CDH23: variants seen among roughly 807,000 people sequenced by gnomAD.
CDH23 encodes cadherin related 23.
Under a neutral mutation model 317.1 loss-of-function variants are expected in CDH23, and 189 were observed. The ratio of observed to expected loss-of-function variants is 0.60; its 90% confidence interval spans 0.53 to 0.67. The LOEUF (loss-of-function observed/expected upper bound fraction) is 0.67, where lower values mean the gene tolerates loss of function less well. Among genes scored for constraint, CDH23 ranks in the 30% least tolerant of loss-of-function variants. The pLI, the probability that CDH23 is intolerant of heterozygous loss-of-function variation, is 0.00. For missense variants in CDH23, 4,401 were observed against 4,592.4 expected, an observed-to-expected ratio of 0.96 and a Z score of 1.20; for synonymous variants, 1,839 against 1,876.8, an observed-to-expected ratio of 0.98 and a Z score of 0.52.
intron 3 of CDH23, among the ~76,000 whole-genome samples, chr10:71,501,547 C>A (rs1052818128): frequency 1.3e-5 from 2 of 152,204 alleles, no homozygotes; most frequent in East Asian, 3.9e-4. Context: ...CCTCTGACTT[C>A]CCCCAGGTGG....
intron 36 of CDH23, among the ~76,000 whole-genome samples, chr10:71,740,536 G>A (rs1839706161): frequency 6.6e-6 from 1 of 152,218 alleles, no homozygotes; most frequent in Non-Finnish European, 1.5e-5. Context: ...GGTAGGTCAG[G>A]AGGTCAAGGC....
At chr10:71,732,646 A>G (rs1839430851) in intron 32 of CDH23, 1 of 1,393,750 alleles carries the variant, frequency 7.2e-7, no homozygotes, top group Non-Finnish European at 9.3e-7. Context: ...CAAAGAAACA[A>G]AAAAAAGTCC....
At chr10:71,491,009 C>CA (rs1288459545) in intron 3 of CDH23, among the ~76,000 whole-genome samples, 6 of 151,446 alleles carry the variant, frequency 4.0e-5, no homozygotes, top group African/African-American at 7.3e-5. Context: ...GACTCCATCG[C>CA]AAAAAAAATA....
intron 3 of CDH23, among the ~76,000 whole-genome samples, chr10:71,494,965 A>T (rs2132150996): frequency 6.6e-6 from 1 of 152,248 alleles, no homozygotes; most frequent in Non-Finnish European, 1.5e-5. Context: ...GGAATGGAGA[A>T]TGAGCCCAGT....
intron 9 of CDH23, among the ~76,000 whole-genome samples, chr10:71,600,256 C>G (rs913807385): frequency 1.3e-5 from 2 of 152,038 alleles, no homozygotes; most frequent in Non-Finnish European, 2.9e-5. Context: ...CCTGCCTTGG[C>G]CTCCCAAAGT....
intron 17 of CDH23, 73 bp from the exon 18 acceptor site, chr10:71,682,372 A>G: frequency 1.3e-6 from 2 of 1,571,252 alleles, no homozygotes; most frequent in Non-Finnish European, 1.7e-6. Context: ...TTCTCTGCCC[A>G]AAGGGGACCC....
rs1346439470 is a variant in CDH23, at chr10:71,510,118, A to G, written c.182A>G (p.Asp61Gly). 1 of 1,614,026 alleles carries G rather than the reference A, an allele frequency of 6.2e-7. No homozygotes were observed. The highest frequency in any genetic ancestry group is 1.1e-5 in the South Asian group (1 of 91,084). The change falls in exon 4 of 70, where the codon GAC (aspartate) becomes GGC (glycine). Residue 61 changes from aspartate (D) to glycine (G), a missense_variant. Physicochemically the swap from Asp to Gly is moderately conservative, Grantham distance 94. This residue lies in a region of CDH23 where 3,068 missense variants were observed against 3,203.3 expected (regional missense o/e 0.96). Transcript: ENST00000224721. ...ACCCAGTTGCTGGCCCAAGACATGG[A>G]CAATGACCCCCTGGTGTTTGGCGTG... is the stretch of plus-strand genomic sequence containing the variant. ...SVTQLLAQDM[D>G]NDPLVFGVSG...
chr10:71,421,973 ATG>A (rs902004810), intron 1 of CDH23, among the ~76,000 whole-genome samples: 19 of 152,166 alleles, frequency 1.2e-4, no homozygotes, highest in Non-Finnish European at 2.2e-4. Flanking sequence ...AAAAGATGGA[ATG>A]TGTCCTGAGT....
At chr10:71,522,355 C>A (rs1335548542) in intron 6 of CDH23, among the ~76,000 whole-genome samples, 1 of 152,138 alleles carries the variant, frequency 6.6e-6, no homozygotes, top group Non-Finnish European at 1.5e-5. Context: ...GCTTCTAACC[C>A]CGTGGCTTGC....
intron 6 of CDH23, among the ~76,000 whole-genome samples, chr10:71,516,836 T>C (rs1192443608): frequency 6.6e-6 from 1 of 152,204 alleles, no homozygotes; most frequent in Non-Finnish European, 1.5e-5. Flanking sequence ...GAAATAATTA[T>C]ACCTGCCTTG....
At chr10:71,648,324 C>T (rs2132602720) in intron 14 of CDH23, among the ~76,000 whole-genome samples, 1 of 152,316 alleles carries the variant, frequency 6.6e-6, no homozygotes, top group African/African-American at 2.4e-5. Flanking sequence ...TGTGTCTTTA[C>T]CCACCATCCC....
At chr10:71,620,597 C>A (rs989618006) in intron 11 of CDH23, among the ~76,000 whole-genome samples, 1 of 152,216 alleles carries the variant, frequency 6.6e-6, no homozygotes, top group African/African-American at 2.4e-5. Context: ...ATTGGCACAC[C>A]CGCTGCAGTC....
chr10:71,577,950 G>T lies in CDH23; in HGVS notation c.790G>T (p.Asp264Tyr). Residue 264 changes from aspartate (D) to tyrosine (Y), a missense_variant, in exon 9 of 70, where the codon GAT becomes TAT. Coordinates refer to ENST00000224721, the MANE Select transcript of CDH23 (RefSeq NM_022124.6). ...TVRIITAIDQ[D>Y]KGRPRGIGYT... is the part of the protein sequence containing the mutation. Reference sequence around the variant, plus strand: ...GCGCATCATCACCGCCATAGACCAGGATAAAGGACGTCCCCGGGGCATTGG... The same window carrying T: ...GCGCATCATCACCGCCATAGACCAGTATAAAGGACGTCCCCGGGGCATTGG... 2 of 1,605,802 alleles carry T rather than the reference G, an allele frequency of 1.2e-6. No individual in the cohort carries two copies. Among genetic ancestry groups the T allele is most frequent in the Non-Finnish European group, 8.5e-7 (1 of 1,176,306 alleles).
rs1862882356 is a variant in CDH23, at chr10:71,646,593, G to A, written c.1425G>A (p.Val475=). 1 of 1,613,872 alleles carries A rather than the reference G, an allele frequency of 6.2e-7. No individual in the cohort carries two copies. Among genetic ancestry groups the A allele is most frequent in the African/African-American group, 1.3e-5 (1 of 74,894 alleles). The part of the protein sequence containing the change: ...YNISLYENVT[V]GTSVLTVLAT... The stretch of plus-strand genomic sequence containing the variant: ...TCAGCCTGTACGAGAACGTCACCGT[G>A]GGGACCTCTGTGCTGACAGTCCTGG... Residue 475 remains valine (V), a synonymous_variant, in exon 14 of 70, where the codon GTG becomes GTA. Transcript: ENST00000224721.
chr10:71,406,010 A>C (rs1043492046), intron 1 of CDH23, among the ~76,000 whole-genome samples: 1 of 116,006 alleles, frequency 8.6e-6, no homozygotes, highest in Non-Finnish European at 1.7e-5. Context: ...AGTTAAAAAA[A>C]GCAGGTAATT....
At chr10:71,769,331 A>G (rs1038332675) in intron 38 of CDH23, among the ~76,000 whole-genome samples, 2 of 152,066 alleles carry the variant, frequency 1.3e-5, no homozygotes, top group Non-Finnish European at 2.9e-5. Context: ...AAAGTTTCCA[A>G]CTAGAATTCA....
intron 9 of CDH23, among the ~76,000 whole-genome samples, chr10:71,584,796 A>T (rs1056542563): frequency 6.6e-6 from 1 of 152,204 alleles, no homozygotes; most frequent in Non-Finnish European, 1.5e-5. Flanking sequence ...TGGAACTCTG[A>T]ATCGCACACC....
At chr10:71,546,204 C>A (rs529348475) in intron 6 of CDH23, among the ~76,000 whole-genome samples, 2 of 152,286 alleles carry the variant, frequency 1.3e-5, no homozygotes, top group Admixed American at 6.5e-5. Flanking sequence ...GTCTCCTTAC[C>A]AATGCCCCTT....
chr10:71,785,423 C>T (rs45442595), intron 43 of CDH23, among the ~76,000 whole-genome samples: 8 of 152,342 alleles, frequency 5.3e-5, no homozygotes, highest in Non-Finnish European at 1.2e-4. Context: ...ACCATGGGGT[C>T]CTCCGAGGGC....
Sources: allele counts gnomAD v4.1 joint callset (sites outside exome capture counted in the v4.1 genomes callset), GRCh38; gene constraint gnomAD v4.1.1; regional missense constraint gnomAD v4.1.1; transcripts MANE v1.5; gene names NCBI Gene and HGNC (gene_info 2026-07-23, HGNC 2026-07-21).